TMEM161B: variants seen among roughly 807,000 people sequenced by gnomAD.
The protein encoded by TMEM161B is transmembrane protein 161B.
Under a neutral mutation model 61.8 loss-of-function variants are expected in TMEM161B, and 34 were observed. The observed-to-expected ratio is 0.55, with a 90% CI of 0.42 to 0.73. The LOEUF is 0.73. Ranked by LOEUF, TMEM161B falls within the 30% of genes least tolerant of loss-of-function variation. The pLI is 0.00. For missense variants in TMEM161B, 456 were observed against 558.5 expected (o/e 0.82, Z 1.85); for synonymous variants, 167 against 192.8 (o/e 0.87, Z 1.11).
chr5:88,226,960 A>G (rs1213997881), intron 3 of TMEM161B, among the ~76,000 whole-genome samples: 1 of 152,044 alleles, frequency 6.6e-6, no homozygotes, highest in African/African-American at 2.4e-5. Flanking sequence ...TGTCTCTACA[A>G]ATTTTTTTTT....
intron 5 of TMEM161B, among the ~76,000 whole-genome samples, chr5:88,216,680 T>C (rs1163811376): frequency 6.6e-6 from 1 of 152,198 alleles, no homozygotes; most frequent in Non-Finnish European, 1.5e-5. Context: ...ACTGTCAAAT[T>C]ATATCATAGA....
intron 2 of TMEM161B, among the ~76,000 whole-genome samples, chr5:88,230,438 G>A (rs1477744521): frequency 6.6e-6 from 1 of 152,064 alleles, no homozygotes; most frequent in Non-Finnish European, 1.5e-5. Flanking sequence ...TCTACTCCTT[G>A]TATACTTGAA....
At chr5:88,260,469 A>C (rs1580737188) in intron 1 of TMEM161B, among the ~76,000 whole-genome samples, 3 of 152,266 alleles carry the variant, frequency 2.0e-5, no homozygotes, top group Admixed American at 6.5e-5. Context: ...GTGTTTTATA[A>C]GAGTCAGGGT....
intron 3 of TMEM161B, among the ~76,000 whole-genome samples, chr5:88,227,235 T>C (rs1223035781): frequency 6.6e-5 from 10 of 152,010 alleles, no homozygotes. Flanking sequence ...TATAAATGGG[T>C]GGAAGGGGAA....
At chr5:88,224,930 G>A (rs1029520192) in intron 4 of TMEM161B, among the ~76,000 whole-genome samples, 1 of 146,098 alleles carries the variant, frequency 6.8e-6, no homozygotes, top group Non-Finnish European at 1.5e-5. Flanking sequence ...TTATAACACA[G>A]TATATAATAC....
intron 5 of TMEM161B, among the ~76,000 whole-genome samples, chr5:88,208,515 G>A (rs988495642): frequency 1.3e-5 from 2 of 152,022 alleles, no homozygotes; most frequent in African/African-American, 4.8e-5. Flanking sequence ...GGTGGCACAC[G>A]CCTGCAATCC....
intron 8 of TMEM161B, among the ~76,000 whole-genome samples, chr5:88,203,770 T>C (rs1327875664): frequency 1.9e-4 from 1 of 5,202 alleles, no homozygotes; most frequent in African/African-American, 4.5e-4. Flanking sequence ...TATATATATA[T>C]ATATATATAT....
chr5:88,228,293 A>G (rs533304271), intron 3 of TMEM161B, 152 bp downstream of exon 3: 285 of 605,434 alleles, frequency 4.7e-4, no homozygotes, highest in Non-Finnish European at 7.3e-4. Context: ...GTGTGTATAT[A>G]TTACTACAGA....
chr5:88,223,613 T>C (rs1469414731), intron 4 of TMEM161B, among the ~76,000 whole-genome samples: 1 of 152,010 alleles, frequency 6.6e-6, no homozygotes, highest in Non-Finnish European at 1.5e-5. Flanking sequence ...ATGGGCCAGG[T>C]GCAGTGGCTC....
At chr5:88,250,130 AGACAAACAGT>A (rs1476676713) in intron 1 of TMEM161B, among the ~76,000 whole-genome samples, 1 of 152,114 alleles carries the variant, frequency 6.6e-6, no homozygotes, top group Non-Finnish European at 1.5e-5. Flanking sequence ...CTTGCAAAGG[AGACAAACAGT>A]GATTTTTACC....
intron 2 of TMEM161B, among the ~76,000 whole-genome samples, chr5:88,239,009 C>T (rs1346291895): frequency 1.3e-5 from 2 of 152,022 alleles, no homozygotes; most frequent in East Asian, 3.9e-4. Flanking sequence ...AATCCATTTA[C>T]AAAAGCAAGT....
downstream of TMEM161B, among the ~76,000 whole-genome samples, chr5:88,194,523 C>T (rs546510434): frequency 1.3e-5 from 2 of 152,204 alleles, no homozygotes; most frequent in East Asian, 3.9e-4. Flanking sequence ...GATGAAACTG[C>T]TCAGTCAAGT....
chr5:88,201,015 ATTTTTTCACAATCTATCACATG>A (rs1357355233), intron 9 of TMEM161B: 3 of 151,676 alleles, frequency 2.0e-5, no homozygotes, highest in African/African-American at 7.3e-5. Context: ...ATGGGCAGCC[ATTTTTTCACAATCTATCACATG>A]CATTTTAGAT....
intron 1 of TMEM161B, among the ~76,000 whole-genome samples, chr5:88,262,972 T>C (rs1755874388): frequency 6.6e-6 from 1 of 152,174 alleles, no homozygotes; most frequent in African/African-American, 2.4e-5. Context: ...ATATAATCGA[T>C]TACTATCTTT....
At chr5:88,223,933 T>C (rs1375444737) in intron 4 of TMEM161B, among the ~76,000 whole-genome samples, 1 of 151,886 alleles carries the variant, frequency 6.6e-6, no homozygotes, top group Non-Finnish European at 1.5e-5. Context: ...ATTAGACAAG[T>C]GATTTATATT....
chr5:88,194,314 G>T (rs958120474), downstream of TMEM161B, among the ~76,000 whole-genome samples: 1 of 152,102 alleles, frequency 6.6e-6, no homozygotes, highest in African/African-American at 2.4e-5. Context: ...TTGCTTCAAA[G>T]AACATAGTTT....
chr5:88,268,616 T>A (rs78607207), intron 1 of TMEM161B, 105 bp downstream of exon 1: 1 of 1,538,332 alleles, frequency 6.5e-7, no homozygotes, highest in Non-Finnish European at 9.0e-7. Flanking sequence ...TCCCAACGTC[T>A]CAACTCCATT....
intron 3 of TMEM161B, among the ~76,000 whole-genome samples, chr5:88,227,065 T>C (rs1041060393): frequency 1.3e-5 from 2 of 152,038 alleles, no homozygotes; most frequent in Non-Finnish European, 2.9e-5. Flanking sequence ...GTTGCATGCA[T>C]CTGGTCTCAG....
chr5:88,235,765 T>C (rs967367920), intron 2 of TMEM161B, among the ~76,000 whole-genome samples: 27 of 152,180 alleles, frequency 1.8e-4, no homozygotes, highest in African/African-American at 6.5e-4. Context: ...TTAGTCTCCA[T>C]TCTAAATCTA....
Sources: allele counts gnomAD v4.1 joint callset (sites outside exome capture counted in the v4.1 genomes callset), GRCh38; gene constraint gnomAD v4.1.1; transcripts MANE v1.5; gene names NCBI Gene and HGNC (gene_info 2026-07-23, HGNC 2026-07-21).